The following SMIM8 variants were observed in gnomAD, a reference collection of about 807,000 sequenced individuals.
The protein encoded by SMIM8 is small integral membrane protein 8.
Under a neutral mutation model 8.1 loss-of-function variants are expected in SMIM8, and 8 were observed. The observed-to-expected ratio is 0.99, with a 90% CI of 0.58 to 1.78. The LOEUF (loss-of-function observed/expected upper bound fraction) is 1.78, where lower values mean the gene tolerates loss of function less well. Among genes scored for constraint, SMIM8 ranks in the 40% most tolerant of loss-of-function variants. The pLI, the probability that SMIM8 is intolerant of heterozygous loss-of-function variation, is 0.00. For missense variants in SMIM8, 126 were observed against 119.8 expected (o/e 1.05, Z -0.24); for synonymous variants, 45 against 39.7 (o/e 1.13, Z -0.50).
chr6:87,329,668 T>A, intron 1 of SMIM8, among the ~76,000 whole-genome samples: 1 of 152,312 alleles, frequency 6.6e-6, no homozygotes, highest in South Asian at 2.1e-4. Context: ...CTTAAGTGAT[T>A]ATAATTTTTT....
At chr6:87,323,866 G>T (rs1220346367) in intron 1 of SMIM8, among the ~76,000 whole-genome samples, 2 of 152,092 alleles carry the variant, frequency 1.3e-5, no homozygotes, top group Admixed American at 1.3e-4. Context: ...TTCCACAATG[G>T]TTGTACTGGT....
intron 1 of SMIM8, among the ~76,000 whole-genome samples, chr6:87,330,088 C>T (rs1390702338): frequency 6.6e-6 from 1 of 152,192 alleles, no homozygotes; most frequent in East Asian, 1.9e-4. Flanking sequence ...ATGAAGTCCT[C>T]TGATTCTATC....
intron 2 of SMIM8, among the ~76,000 whole-genome samples, chr6:87,336,245 G>C (rs242275): frequency 1.3e-5 from 2 of 151,878 alleles, no homozygotes; most frequent in Non-Finnish European, 2.9e-5. Context: ...ATGGCAGAGA[G>C]GATAAAATAA....
intron 1 of SMIM8, among the ~76,000 whole-genome samples, chr6:87,328,679 T>A (rs529012175): frequency 0.068 from 10,380 of 152,210 alleles, 730 homozygotes; most frequent in African/African-American, 0.18. Flanking sequence ...GACATTTAAG[T>A]CTGCAGAGGA....
intron 3 of SMIM8, among the ~76,000 whole-genome samples, chr6:87,339,325 C>CGCGT (rs1227198338): frequency 2.4e-5 from 3 of 124,086 alleles, no homozygotes; most frequent in Non-Finnish European, 5.0e-5. Flanking sequence ...CAAAACACAG[C>CGCGT]GTGTGTGTGT....
chr6:87,337,435 T>C (rs984525926), intron 3 of SMIM8, among the ~76,000 whole-genome samples: 6 of 152,204 alleles, frequency 3.9e-5, no homozygotes, highest in Non-Finnish European at 7.3e-5. Flanking sequence ...TAAAGTACTA[T>C]TTTAATAGTT....
intron 1 of SMIM8, among the ~76,000 whole-genome samples, chr6:87,330,248 C>G (rs2127920534): frequency 6.6e-6 from 1 of 152,172 alleles, no homozygotes; most frequent in East Asian, 1.9e-4. Context: ...TTTTATAATT[C>G]TCTGTCTTTT....
chr6:87,329,313 C>G (rs1776933528), intron 1 of SMIM8: 1 of 152,928 alleles, frequency 6.5e-6, no homozygotes, highest in Admixed American at 6.5e-5. Flanking sequence ...TTCGCTCTGT[C>G]GCCCAGGCTG....
rs776901757 is a variant in SMIM8 at position 87,337,135 on chromosome 6, G to C, written c.104G>C (p.Arg35Pro). Residue 35 changes from arginine to proline, a missense_variant, in exon 3 of 4, where the codon CGT becomes CCT. Transcript: ENST00000392863. ...GGGGTGCGCACAACAACCTTATTTC[G>C]TGCTGTGAATCCAGAGCTCTTCATT... ...LRGVRTTTLF[R>P]AVNPELFIKP... The C allele has an allele frequency of 1.9e-6, 3 of 1,612,320 alleles. No individual in the cohort carries two copies. Among genetic ancestry groups the C allele is most frequent in the Non-Finnish European group, 2.5e-6 (3 of 1,179,072 alleles).
chr6:87,327,206 C>A (rs1419213355), intron 1 of SMIM8, among the ~76,000 whole-genome samples: 1 of 148,244 alleles, frequency 6.7e-6, no homozygotes, highest in African/African-American at 2.5e-5. Context: ...ACTGATGGGT[C>A]TTGACTCTTT....
In SMIM8 at chr6:87,341,877, A is replaced by G. The variant is rs779917993; in HGVS notation, c.*1603A>G. The G allele has an allele frequency of 1.3e-5, 2 of 152,236 alleles. No individual in the cohort carries two copies. Among genetic ancestry groups the G allele is most frequent in the African/African-American group, 2.4e-5 (1 of 41,470 alleles). The allele number at this position is 152,236 out of a possible 1,614,324, so 9.4% of individuals were successfully genotyped here. ...TTTGTTTTCCCTGTGTATTTTGGCT[A>G]TCACAAAACTAGGGTTCTTCTGTTT... On this transcript the variant is annotated 3_prime_UTR_variant, in exon 4 of 4. Coordinates refer to ENST00000392863, the MANE Select transcript of SMIM8 (RefSeq NM_001042493.3).
intron 1 of SMIM8, among the ~76,000 whole-genome samples, chr6:87,326,116 C>A (rs140265632): frequency 0.11 from 16,247 of 152,140 alleles, 908 homozygotes; most frequent in East Asian, 0.13. Flanking sequence ...GGTGATATCC[C>A]TTTTATCATT....
rs988233608 is a variant in SMIM8 at position 87,340,434 on chromosome 6, C to G, written c.*160C>G. On this transcript the variant is annotated 3_prime_UTR_variant, in exon 4 of 4. Transcript: ENST00000392863. ...ACAACTGTCGTAAATTTTGTCCTTTCACAGCTGCAGCCATTATCTCATTCT... is the reference window on the plus strand; with the variant it reads ...ACAACTGTCGTAAATTTTGTCCTTTGACAGCTGCAGCCATTATCTCATTCT... 1 of 563,306 alleles carries G rather than the reference C, an allele frequency of 1.8e-6. No individual in the cohort carries two copies. Among genetic ancestry groups the G allele is most frequent in the African/African-American group, 2.0e-5 (1 of 51,276 alleles). The allele number at this position is 563,306 out of a possible 1,614,324, so 34.9% of individuals were successfully genotyped here. A position where few individuals can be genotyped will look rare whatever the true frequency, so the allele number is the denominator to read the frequency against.
rs542721397 is a variant in SMIM8 at position 87,328,913 on chromosome 6, G to T, written c.-44-1779G>T. On this transcript the variant is annotated intron_variant, in intron 1 of 3. Transcript: ENST00000392863. ...GCTAGCAATCAGCCAGACTCCGTGG[G>T]CGTAGGACCCTCCGAACCACGTGCG... Among the ~76,000 whole-genome samples, 397 of 152,326 alleles carry T rather than the reference G, an allele frequency of 2.6e-3. 2 individuals carry two copies. Among genetic ancestry groups the T allele is most frequent in the African/African-American group, 9.3e-3 (388 of 41,582 alleles).
intron 3 of SMIM8, 75 bp downstream of exon 3, chr6:87,337,241 T>A: frequency 6.9e-7 from 1 of 1,459,622 alleles, no homozygotes; most frequent in Non-Finnish European, 9.1e-7. Flanking sequence ...TTTCTTGTAT[T>A]TGATTTTATC....
chr6:87,335,364 G>A (rs1777082697), intron 2 of SMIM8, among the ~76,000 whole-genome samples: 1 of 152,124 alleles, frequency 6.6e-6, no homozygotes, highest in African/African-American at 2.4e-5. Flanking sequence ...TGCTACAGGA[G>A]TGCTAACTGA....
chr6:87,330,028 A>G (rs936365814), intron 1 of SMIM8, among the ~76,000 whole-genome samples: 2 of 152,216 alleles, frequency 1.3e-5, no homozygotes, highest in Non-Finnish European at 2.9e-5. Flanking sequence ...CACACAGCTT[A>G]TAAGTAGCAA....
chr6:87,330,583 G>T (rs1776970170), intron 1 of SMIM8, 109 bp from the exon 2 acceptor site: 1 of 151,516 alleles, frequency 6.6e-6, no homozygotes, highest in Admixed American at 6.6e-5. Context: ...TAATTTCAGG[G>T]GCTTACTATT....
Position 87,328,760 on chromosome 6 carries a change from T to G in SMIM8, c.-44-1932T>G, listed in dbSNP as rs572069441. Among the ~76,000 whole-genome samples, 941 of 152,320 alleles carry G rather than the reference T, an allele frequency of 6.2e-3. 13 individuals carry two copies. Among genetic ancestry groups the G allele is most frequent in the African/African-American group, 0.022 (904 of 41,572 alleles). ...GCCTACAGAGGCAGGCAGGCCTCCT[T>G]GAGCTGTGGTGGGCTCCACCCAGTT... On this transcript the variant is annotated intron_variant, in intron 1 of 3. Coordinates refer to ENST00000392863, the MANE Select transcript of SMIM8 (RefSeq NM_001042493.3).
Sources: gnomAD v4.1 joint callset for allele counts (sites outside exome capture counted in the v4.1 genomes callset) on GRCh38, gnomAD v4.1.1 for gene constraint, MANE v1.5 for transcripts, NCBI Gene and HGNC (gene_info 2026-07-23, HGNC 2026-07-21) for gene names.